ZHX3: variants seen among roughly 807,000 people sequenced by gnomAD.
ZHX3 encodes zinc fingers and homeoboxes 3.
A neutral mutation model predicts 64.5 loss-of-function variants in ZHX3; 20 were observed. The ratio of observed to expected loss-of-function variants is 0.31; its 90% CI spans 0.22 to 0.45. ZHX3 has a LOEUF of 0.45. Ranked by LOEUF, ZHX3 falls within the 20% of genes least tolerant of loss-of-function variation. The pLI is 1.00. For synonymous variants in ZHX3, 423 were observed against 461.6 expected (o/e 0.92, Z 1.07); for missense variants, 1,041 against 1,195.8 (o/e 0.87, Z 1.91).
chr20:41,235,336 C>T (rs1411855376), intron 2 of ZHX3, among the ~76,000 whole-genome samples: 1 of 152,118 alleles, frequency 6.6e-6, no homozygotes, highest in Non-Finnish European at 1.5e-5. Flanking sequence ...AATTTTAGAC[C>T]AATATCCCTG....
rs766359666 is a variant in ZHX3, at chr20:41,228,971, AAC to A, written c.-150-23907_-150-23906del. On this transcript the variant is annotated intron_variant, in intron 2 of 3. Transcript: ENST00000683867. This position sits in a 1 kb window ranked among gnomAD's most constrained non-coding sequence, Gnocchi z 4.6. ...GGAGAGTTCAGTAGCATTAAGTATT[AAC>A]ACAGTCACATTGTTGTACAACCATC... Among the ~76,000 whole-genome samples the A allele has an allele frequency of 7.4e-4, 112 of 152,270 alleles. 1 individual carries two copies. The highest frequency in any genetic ancestry group is 4.1e-4 in the South Asian group (2 of 4,822).
At chr20:41,267,472 A>G (rs181470823) in intron 2 of ZHX3, 1 of 152,334 alleles carries the variant, frequency 6.6e-6, no homozygotes, top group East Asian at 1.9e-4. Context: ...CTGAGCATCT[A>G]TTGTCCAGCA....
chr20:41,270,279 C>CT (rs1338778076), intron 1 of ZHX3, among the ~76,000 whole-genome samples: 2 of 148,254 alleles, frequency 1.3e-5, no homozygotes, highest in Non-Finnish European at 3.0e-5. Flanking sequence ...ACTCAGGGGG[C>CT]TGAGGCAGAA....
rs748988154 is a variant in ZHX3, at chr20:41,196,264, G to GTA, written c.2860+5791_2860+5792dup. ...CATATGTTTTGGAGCTCTGTTAGGG[G>GTA]TATATATATATATAATATATATAAA... On this transcript the variant is annotated intron_variant, in intron 3 of 3. Transcript: ENST00000683867. 2.8e-3 allele frequency among the ~76,000 whole-genome samples: 328 copies of GTA among 117,904 alleles called. 4 individuals carry two copies. The South Asian group carries it at 0.043, about 15-fold the overall frequency. The allele number at this position is 117,904 out of a possible 152,430, so 77.3% of individuals were successfully genotyped here.
rs2038422272 is a variant in ZHX3 at position 41,203,446 on chromosome 20, A to G, written c.1471T>C (p.Phe491Leu). The change falls in exon 3 of 4, where the codon TTC becomes CTC. Residue 491 changes from phenylalanine (F) to leucine (L), a missense_variant. Transcript: ENST00000683867. The surrounding 1 kb of genome is among the most constrained non-coding windows in gnomAD (Gnocchi z 7.1). The stretch of plus-strand genomic sequence containing the variant: ...TTTTTGTAGATGCTAGCATCAAGGA[A>G]GGCTTGGGAGGTTATGCTGGGGCAG... ...TACPSITSQA[F>L]LDASIYKNKK... 6.2e-7 allele frequency: 1 copy of G among 1,614,028 alleles called. No homozygotes were observed. The highest frequency in any genetic ancestry group is 1.7e-5 in the Admixed American group (1 of 59,996).
At chr20:41,265,711 G>T (rs754516599) in intron 2 of ZHX3, among the ~76,000 whole-genome samples, 5 of 152,112 alleles carry the variant, frequency 3.3e-5, no homozygotes, top group Non-Finnish European at 5.9e-5. Context: ...ATTTTAATGT[G>T]TAGCCAAGTA....
At chr20:41,197,948 A>G (rs2037882590) in intron 3 of ZHX3, among the ~76,000 whole-genome samples, 1 of 151,876 alleles carries the variant, frequency 6.6e-6, no homozygotes, top group Admixed American at 6.6e-5. Flanking sequence ...AACCAAAAGT[A>G]CAATAGTACT....
intron 1 of ZHX3, among the ~76,000 whole-genome samples, chr20:41,275,490 C>G (rs1486936113): frequency 6.6e-6 from 1 of 152,174 alleles, no homozygotes; most frequent in Non-Finnish European, 1.5e-5. Context: ...AGGTAAAAAC[C>G]TGATGCAGTG....
In ZHX3 at chr20:41,203,045, G is replaced by C; in HGVS notation, c.1872C>G (p.Leu624=). ...TKYKERAPEQ[L]RALESSFAQN... ...GTGCAAAACTGCTCTCCAGGGCTCT[G>C]AGCTGCTCAGGGGCTCTCTCCTTGT... The change falls in exon 3 of 4, where the codon CTC becomes CTG. Residue 624 remains leucine (L), a synonymous_variant. Transcript: ENST00000683867. The surrounding 1 kb of genome is among the most constrained non-coding windows in gnomAD (Gnocchi z 7.1). 1 of 1,614,206 alleles carries C rather than the reference G, an allele frequency of 6.2e-7. No homozygotes were observed. Among genetic ancestry groups the C allele is most frequent in the Non-Finnish European group, 8.5e-7 (1 of 1,180,038 alleles).
chr20:41,313,799 T>G (rs1487453067), intron 1 of ZHX3, among the ~76,000 whole-genome samples: 2 of 152,144 alleles, frequency 1.3e-5, no homozygotes, highest in Admixed American at 1.3e-4. Flanking sequence ...GGTTTCACCG[T>G]GTTAGCCAGG....
At chr20:41,249,173 T>G (rs1263756899) in intron 2 of ZHX3, among the ~76,000 whole-genome samples, 2 of 152,166 alleles carry the variant, frequency 1.3e-5, no homozygotes, top group Non-Finnish European at 2.9e-5. Flanking sequence ...GTTAAAAACT[T>G]TCTTCACACT....
At chr20:41,205,700 G>A (rs984823264) in intron 2 of ZHX3, among the ~76,000 whole-genome samples, 12 of 152,148 alleles carry the variant, frequency 7.9e-5, no homozygotes, top group African/African-American at 1.7e-4. Context: ...TATGTATCCC[G>A]GACCACTGTT....
intron 3 of ZHX3, among the ~76,000 whole-genome samples, chr20:41,189,031 C>T (rs1305545274): frequency 6.6e-6 from 1 of 152,132 alleles, no homozygotes; most frequent in African/African-American, 2.4e-5. Flanking sequence ...GTGAGAGATA[C>T]AGGTCCAGTT....
chr20:41,185,541 C>T lies in ZHX3; in HGVS notation c.2861-340G>A. 1 of 470,062 alleles carries T rather than the reference C, an allele frequency of 2.1e-6. No individual in the cohort carries two copies. Among genetic ancestry groups the T allele is most frequent in the Non-Finnish European group, 3.7e-6 (1 of 267,004 alleles). 29.1% of individuals were successfully genotyped at this position (470,062 alleles called of 1,614,324 possible). ...GCCACCACCGTCTCTGGAGTCCTGT[C>T]CTAAAATGCTTCATCCTGCCCTCTC... is the stretch of plus-strand genomic sequence containing the variant. On this transcript the variant is annotated intron_variant, in intron 3 of 3. Coordinates refer to ENST00000683867, the MANE Select transcript of ZHX3 (RefSeq NM_001384317.1). The surrounding 1 kb of genome is among the most constrained non-coding windows in gnomAD (Gnocchi z 5.0).
chr20:41,312,791 G>A (rs2045179257), intron 1 of ZHX3, among the ~76,000 whole-genome samples: 1 of 152,210 alleles, frequency 6.6e-6, no homozygotes. Context: ...GGCAAACAAG[G>A]AGGGGAGCCT....
At chr20:41,256,153 C>G (rs909179753) in intron 2 of ZHX3, among the ~76,000 whole-genome samples, 10 of 152,102 alleles carry the variant, frequency 6.6e-5, no homozygotes, top group Non-Finnish European at 2.9e-5. Context: ...GTAAACCAAG[C>G]CTTTTTAGCA....
At chr20:41,263,779 C>A (rs1021684438) in intron 2 of ZHX3, among the ~76,000 whole-genome samples, 3 of 152,074 alleles carry the variant, frequency 2.0e-5, no homozygotes, top group African/African-American at 7.2e-5. Context: ...TCATAAGAAA[C>A]TGACAGGAGC....
At chr20:41,257,095 G>A (rs1370954029) in intron 2 of ZHX3, among the ~76,000 whole-genome samples, 1 of 152,076 alleles carries the variant, frequency 6.6e-6, no homozygotes, top group African/African-American at 2.4e-5. Flanking sequence ...AATGACAAAG[G>A]AAGGACCTTC....
chr20:41,283,252 C>T (rs1568941402), intron 1 of ZHX3, among the ~76,000 whole-genome samples: 1 of 152,146 alleles, frequency 6.6e-6, no homozygotes, highest in East Asian at 1.9e-4. Flanking sequence ...TGTGTGTGTG[C>T]ATTCACATGC....
Sources: allele counts gnomAD v4.1 joint callset (sites outside exome capture counted in the v4.1 genomes callset), GRCh38; gene constraint gnomAD v4.1.1; non-coding constraint Gnocchi (gnomAD v3.1); transcripts MANE v1.5; gene names NCBI Gene and HGNC (gene_info 2026-07-23, HGNC 2026-07-21).